Variants in GTF2A1L observed in about 807,000 individuals in gnomAD.
GTF2A1L encodes general transcription factor IIA subunit 1 like, also known as TFIIA-alpha and beta-like factor.
In GTF2A1L, 48 loss-of-function variants were observed where a neutral mutation model predicts 49.7. The observed-to-expected ratio is 0.97, with a 90% CI of 0.77 to 1.23. GTF2A1L has a LOEUF of 1.23. Among genes scored for constraint, GTF2A1L ranks in the 50% most tolerant of loss-of-function variants. The probability of loss-of-function intolerance (pLI) is 0.00; values close to 1 mark genes in which losing one functional copy is unlikely to be tolerated. For synonymous variants in GTF2A1L, 246 were observed against 193.5 expected (o/e 1.27, Z -2.25); for missense variants, 736 against 564.8 (o/e 1.30, Z -3.07).
chr2:48,675,003 A>G (rs900636668), intron 8 of GTF2A1L, among the ~76,000 whole-genome samples: 2 of 152,164 alleles, frequency 1.3e-5, no homozygotes, highest in Non-Finnish European at 1.5e-5. Flanking sequence ...GAATGTATCT[A>G]AAGGTCAAAG....
At chr2:48,659,845 T>G (rs938423102) in intron 6 of GTF2A1L, among the ~76,000 whole-genome samples, 1 of 152,312 alleles carries the variant, frequency 6.6e-6, no homozygotes, top group East Asian at 1.9e-4. Flanking sequence ...AATTTATTTA[T>G]TTTTCCTAAC....
At chr2:48,637,276 A>C (rs1054212488) in intron 3 of GTF2A1L, among the ~76,000 whole-genome samples, 2 of 152,234 alleles carry the variant, frequency 1.3e-5, no homozygotes, top group African/African-American at 4.8e-5. Flanking sequence ...GCAATGTATC[A>C]AAGAATTTTT....
rs574704793 is a variant in GTF2A1L at position 48,655,615 on chromosome 2, T to C, written c.978+8573T>C. On this transcript the variant is annotated intron_variant, in intron 6 of 8. Transcript: ENST00000403751. ...CCTGCCACCAGTACTTTGATCAGTT[T>C]TGCCACATAGTATAGTATATCACTA... Among the ~76,000 whole-genome samples, 24 of 152,332 alleles carry C rather than the reference T, an allele frequency of 1.6e-4. 3 individuals carry two copies. Among genetic ancestry groups the C allele is most frequent in the African/African-American group, 5.8e-4 (24 of 41,576 alleles).
intron 6 of GTF2A1L, among the ~76,000 whole-genome samples, chr2:48,666,582 A>AT (rs1553380585): frequency 4.1e-5 from 4 of 97,090 alleles, no homozygotes; most frequent in African/African-American, 1.4e-4. Flanking sequence ...TCAACTTGTC[A>AT]GGGTGTGTGT....
chr2:48,628,641 A>T (rs1290613465), intron 3 of GTF2A1L, among the ~76,000 whole-genome samples: 1 of 143,604 alleles, frequency 7.0e-6, no homozygotes, highest in Admixed American at 7.1e-5. Flanking sequence ...GTAGTTCGTG[A>T]ATATTTTCTA....
At chr2:48,668,816 C>T (rs984982232) in intron 6 of GTF2A1L, among the ~76,000 whole-genome samples, 1 of 151,012 alleles carries the variant, frequency 6.6e-6, no homozygotes, top group Non-Finnish European at 1.5e-5. Context: ...GCCTGGGCGA[C>T]AGAGCGAGAC....
intron 4 of GTF2A1L, 43 bp from the exon 5 acceptor site, chr2:48,644,990 A>G (rs1422582612): frequency 1.9e-6 from 3 of 1,557,930 alleles, no homozygotes; most frequent in Admixed American, 2.0e-5. Flanking sequence ...AGATACAAGT[A>G]AAGTCCTTTT....
chr2:48,634,795 G>T (rs545489840), intron 3 of GTF2A1L, among the ~76,000 whole-genome samples: 1 of 152,254 alleles, frequency 6.6e-6, no homozygotes, highest in East Asian at 1.9e-4. Flanking sequence ...CTTTTGTACA[G>T]GATCTGACCT....
intron 3 of GTF2A1L, among the ~76,000 whole-genome samples, chr2:48,632,114 C>T (rs1239984065): frequency 6.6e-6 from 1 of 152,174 alleles, no homozygotes; most frequent in Non-Finnish European, 1.5e-5. Flanking sequence ...GGCTCTACTT[C>T]AGATGTTGGT....
chr2:48,676,225 C>T (rs955389376), intron 8 of GTF2A1L, among the ~76,000 whole-genome samples: 4 of 151,628 alleles, frequency 2.6e-5, no homozygotes, highest in Admixed American at 6.6e-5. Flanking sequence ...TGTATAATAT[C>T]CTATTGTAGG....
chr2:48,621,003 C>T, intron 2 of GTF2A1L, 51 bp downstream of exon 2: 1 of 1,559,624 alleles, frequency 6.4e-7, no homozygotes, highest in South Asian at 1.2e-5. Flanking sequence ...TTTTTTTCAG[C>T]ATACAAAACT....
At chr2:48,621,936 T>C (rs1676021783) in intron 3 of GTF2A1L, among the ~76,000 whole-genome samples, 1 of 152,232 alleles carries the variant, frequency 6.6e-6, no homozygotes, top group Non-Finnish European at 1.5e-5. Context: ...CCTTGTATGC[T>C]TGATTCCTTT....
At chr2:48,673,073 C>T (rs1558775664) in intron 8 of GTF2A1L, among the ~76,000 whole-genome samples, 1 of 152,260 alleles carries the variant, frequency 6.6e-6, no homozygotes, top group East Asian at 1.9e-4. Context: ...TGGCTTCTTT[C>T]ACTTAGCACA....
chr2:48,676,329 A>G (rs1476040705), intron 8 of GTF2A1L, among the ~76,000 whole-genome samples: 1 of 151,868 alleles, frequency 6.6e-6, no homozygotes, highest in Non-Finnish European at 1.5e-5. Context: ...AGACATTTTC[A>G]TAATGTGTGC....
At chr2:48,635,265 G>A (rs1239205419) in intron 3 of GTF2A1L, among the ~76,000 whole-genome samples, 1 of 151,612 alleles carries the variant, frequency 6.6e-6, no homozygotes, top group East Asian at 1.9e-4. Flanking sequence ...GCACAGGAAG[G>A]GTGGAGTGGA....
At chr2:48,644,792 T>C (rs2104189811) in intron 4 of GTF2A1L, among the ~76,000 whole-genome samples, 1 of 152,342 alleles carries the variant, frequency 6.6e-6, no homozygotes, top group South Asian at 2.1e-4. Context: ...ATGTTTATAC[T>C]GTTCATTAGG....
At chr2:48,623,351 G>A (rs1018029708) in intron 3 of GTF2A1L, among the ~76,000 whole-genome samples, 1 of 152,102 alleles carries the variant, frequency 6.6e-6, no homozygotes, top group South Asian at 2.1e-4. Context: ...CTTAAAACTT[G>A]TTTGCTCAGT....
In GTF2A1L at chr2:48,647,112, T is replaced by C. The variant is rs559049616; in HGVS notation, c.978+70T>C. ...GGCCAGTAACTGGATATCCTGAATA[T>C]TTTCAAGCTGTAATGTTAATCAGAA... On this transcript the variant is annotated intron_variant, in intron 6 of 8. Transcript: ENST00000403751. 8 of 1,272,792 alleles carry C rather than the reference T, an allele frequency of 6.3e-6. No homozygotes were observed. In the South Asian group the frequency reaches 1.2e-4, roughly 20 times the overall value. 78.8% of individuals were successfully genotyped at this position (1,272,792 alleles called of 1,614,324 possible). A position where few individuals can be genotyped will look rare whatever the true frequency, so the allele number is the denominator to read the frequency against.
chr2:48,637,940 T>A (rs1676994794), intron 3 of GTF2A1L, among the ~76,000 whole-genome samples: 1 of 152,154 alleles, frequency 6.6e-6, no homozygotes, highest in Non-Finnish European at 1.5e-5. Flanking sequence ...CAGAAACTAT[T>A]GTGAACAACA....
Sources: allele counts gnomAD v4.1 joint callset (sites outside exome capture counted in the v4.1 genomes callset), GRCh38; gene constraint gnomAD v4.1.1; transcripts MANE v1.5; gene names NCBI Gene and HGNC (gene_info 2026-07-23, HGNC 2026-07-21).